INTS2: variants seen among roughly 807,000 people sequenced by gnomAD.
The protein encoded by INTS2 is integrator complex subunit 2.
A neutral mutation model predicts 139.6 loss-of-function variants in INTS2; 57 were observed. The observed-to-expected ratio is 0.41, with a 90% CI of 0.33 to 0.51. INTS2 has a LOEUF of 0.51. Among genes scored for constraint, INTS2 ranks in the 20% least tolerant of loss-of-function variants. INTS2 has a pLI of 0.28. For synonymous variants in INTS2, 473 were observed against 493.4 expected, an observed-to-expected ratio of 0.96 and a Z score of 0.55; for missense variants, 1,196 against 1,436.7, an observed-to-expected ratio of 0.83 and a Z score of 2.71.
intron 3 of INTS2, among the ~76,000 whole-genome samples, chr17:61,923,353 T>C (rs1218432525): frequency 6.6e-6 from 1 of 151,296 alleles, no homozygotes; most frequent in Non-Finnish European, 1.5e-5. Flanking sequence ...GGCGGGCACC[T>C]GTAGTCCCAG....
intron 18 of INTS2, among the ~76,000 whole-genome samples, chr17:61,877,195 T>C (rs902449506): frequency 5.9e-5 from 9 of 152,088 alleles, no homozygotes; most frequent in Non-Finnish European, 8.8e-5. Context: ...TTACAGTCAT[T>C]ATAAGAGATA....
At chr17:61,915,337 C>CAAA (rs1200669667) in intron 5 of INTS2, among the ~76,000 whole-genome samples, 2 of 123,878 alleles carry the variant, frequency 1.6e-5, no homozygotes, top group African/African-American at 4.0e-5. Flanking sequence ...GACTCCGTCT[C>CAAA]AAAAAAATAA....
chr17:61,901,631 G>C (rs571313318), intron 9 of INTS2, among the ~76,000 whole-genome samples: 1 of 112,356 alleles, frequency 8.9e-6, no homozygotes, highest in Non-Finnish European at 1.7e-5. Context: ...ATGCAGTCCC[G>C]CTCTGTAGCC....
chr17:61,880,444 C>T (rs761707355), intron 17 of INTS2, among the ~76,000 whole-genome samples: 14 of 152,074 alleles, frequency 9.2e-5, no homozygotes, highest in Non-Finnish European at 1.3e-4. Flanking sequence ...GATACAAGCA[C>T]ATCAGAAAGA....
chr17:61,923,354 G>A (rs984052909), intron 3 of INTS2, among the ~76,000 whole-genome samples: 4 of 151,290 alleles, frequency 2.6e-5, no homozygotes, highest in African/African-American at 7.3e-5. Flanking sequence ...GCGGGCACCT[G>A]TAGTCCCAGC....
chr17:61,897,227 G>A lies in INTS2; in HGVS notation c.1494+242C>T, dbSNP rs2079358647. Among the ~76,000 whole-genome samples the A allele has an allele frequency of 6.6e-6, 1 of 152,046 alleles. No homozygotes were observed. The highest frequency in any genetic ancestry group is 2.4e-5 in the African/African-American group (1 of 41,398). On this transcript the variant is annotated intron_variant, in intron 11 of 24. Coordinates refer to ENST00000251334, the MANE Select transcript of INTS2 (RefSeq NM_001351695.2). This position sits in a 1 kb window ranked among gnomAD's most constrained non-coding sequence, Gnocchi z 4.4. ...CAGAATATTAATAGTAGTATACTAG[G>A]TATCTCTGAATCATGGAATTATAAG...
intron 6 of INTS2, 99 bp downstream of exon 6, chr17:61,911,841 A>G: frequency 6.9e-7 from 1 of 1,446,466 alleles, no homozygotes; most frequent in Non-Finnish European, 9.4e-7. Context: ...CAGTATATAA[A>G]TAAAATTCCC....
intron 15 of INTS2, among the ~76,000 whole-genome samples, chr17:61,889,113 A>C (rs2079262802): frequency 6.7e-6 from 1 of 149,664 alleles, no homozygotes; most frequent in Non-Finnish European, 1.5e-5. Context: ...TTTGAGACAC[A>C]GTCTCACTCT....
At chr17:61,889,036 A>AAAACAAG in intron 15 of INTS2, among the ~76,000 whole-genome samples, 1 of 151,930 alleles carries the variant, frequency 6.6e-6, no homozygotes, top group African/African-American at 2.4e-5. Context: ...CAAAAAACAA[A>AAAACAAG]AAACAAAAAA....
chr17:61,901,401 T>C (rs1384798928), intron 9 of INTS2, among the ~76,000 whole-genome samples: 1 of 151,078 alleles, frequency 6.6e-6, no homozygotes, highest in Non-Finnish European at 1.5e-5. Flanking sequence ...GCAATACAAA[T>C]AATAAAATCT....
In INTS2 at chr17:61,904,540, G is replaced by A; in HGVS notation, c.1227C>T (p.Ser409=). 6.2e-7 allele frequency: 1 copy of A among 1,611,602 alleles called. No homozygotes were observed. Reference sequence around the variant, plus strand: ...CCCCAGCTGGCGTAGCAGGAGGACGGCTCGTCATCAACTGCAGTAATTGCT... The same window carrying A: ...CCCCAGCTGGCGTAGCAGGAGGACGACTCGTCATCAACTGCAGTAATTGCT... ...EAEQLLQLMT[S]RPPATPAGVR... is the part of the protein sequence containing the mutation. The change falls in exon 9 of 25, where the codon AGC becomes AGT. Residue 409 remains serine (S), a synonymous_variant. Transcript: ENST00000251334.
Position 61,925,018 on chromosome 17 carries a change from A to C in INTS2, c.375T>G (p.Ser125Arg). Reference protein sequence around the residue: ...QHGLTLEFEHSDSPRRLRLVL... With the variant: ...QHGLTLEFEHRDSPRRLRLVL... ...CAAGACGCAATCGACGAGGTGAATC[A>C]CTGTGTTCAAACTCTAACGTCAGTC... Residue 125 changes from serine (S) to arginine (R), a missense_variant, in exon 3 of 25, where the codon AGT becomes AGG. Physicochemically the swap from Ser to Arg is moderately radical, Grantham distance 110 (BLOSUM62 -1). Coordinates refer to ENST00000251334, the MANE Select transcript of INTS2 (RefSeq NM_001351695.2). 6.2e-7 allele frequency: 1 copy of C among 1,613,746 alleles called. No individual in the cohort carries two copies. The highest frequency in any genetic ancestry group is 8.5e-7 in the Non-Finnish European group (1 of 1,179,794).
chr17:61,892,372 G>T (rs532001224), intron 13 of INTS2, among the ~76,000 whole-genome samples: 31 of 152,162 alleles, frequency 2.0e-4, no homozygotes, highest in Non-Finnish European at 4.1e-4. Flanking sequence ...TCTCTTTAGA[G>T]GGCCTTTTAA....
At position 61,870,756 on chromosome 17, in the gene INTS2, A is replaced by C. The variant is rs1267613338; in HGVS notation, c.2779-768T>G. Among the ~76,000 whole-genome samples, 5 of 152,228 alleles carry C rather than the reference A, an allele frequency of 3.3e-5. No individual in the cohort carries two copies. Among genetic ancestry groups the C allele is most frequent in the Non-Finnish European group, 7.3e-5 (5 of 68,036 alleles). ...ATAAAGTGAGGTTAGACTACTTTAT[A>C]ATCATGGTTCTTGGGGAAAGGAGTT... On this transcript the variant is annotated intron_variant, in intron 20 of 24. Transcript: ENST00000251334. The surrounding 1 kb of genome is among the most constrained non-coding windows in gnomAD (Gnocchi z 4.4).
intron 9 of INTS2, 32 bp downstream of exon 9, chr17:61,904,428 G>A: frequency 2.7e-6 from 4 of 1,482,360 alleles, no homozygotes; most frequent in Non-Finnish European, 3.7e-6. Context: ...AGTAAACCTT[G>A]AGAAAATGGA....
At position 61,869,293 on chromosome 17, in the gene INTS2, G is replaced by A; in HGVS notation, c.3118C>T (p.Gln1040Ter). The A allele has an allele frequency of 6.2e-7, 1 of 1,604,852 alleles. No individual in the cohort carries two copies. Among genetic ancestry groups the A allele is most frequent in the Non-Finnish European group, 8.5e-7 (1 of 1,174,880 alleles). ...CLDFIPELIA[Q>*]PELEKQIFAI... ...ATTACCTGTTTCTCAAGTTCTGGCT[G>A]TGCAATAAGCTCAGGTATGAAATCT... The change falls in exon 22 of 25, where the codon CAG becomes TAG. Residue 1040 changes from glutamine to a stop codon, truncating the protein, a stop_gained. Coordinates refer to ENST00000251334, the MANE Select transcript of INTS2 (RefSeq NM_001351695.2). LOFTEE classifies it high-confidence loss of function. The surrounding 1 kb of genome is among the most constrained non-coding windows in gnomAD (Gnocchi z 5.4).
intron 9 of INTS2, among the ~76,000 whole-genome samples, chr17:61,901,942 G>C (rs2079411358): frequency 6.6e-6 from 1 of 152,034 alleles, no homozygotes; most frequent in African/African-American, 2.4e-5. Context: ...AATTCTTTTT[G>C]AGACTGGGTA....
intron 16 of INTS2, among the ~76,000 whole-genome samples, chr17:61,883,310 C>T (rs1364938702): frequency 5.6e-5 from 8 of 143,992 alleles, no homozygotes; most frequent in South Asian, 2.2e-4. Flanking sequence ...GTCAGGAGTT[C>T]GAGACTAGCC....
At position 61,871,596 on chromosome 17, in the gene INTS2, T is replaced by C. The variant is rs1235587954; in HGVS notation, c.2778+669A>G. ...GTCTTCTTCACCACTCTATCCCCAG[T>C]TCCTGGAACAATACTTGGCACACAG... On this transcript the variant is annotated intron_variant, in intron 20 of 24. Coordinates refer to ENST00000251334, the MANE Select transcript of INTS2 (RefSeq NM_001351695.2). The surrounding 1 kb of genome is among the most constrained non-coding windows in gnomAD (Gnocchi z 4.9). 2.0e-5 allele frequency among the ~76,000 whole-genome samples: 3 copies of C among 152,158 alleles called. No homozygotes were observed. Among genetic ancestry groups the C allele is most frequent in the African/African-American group, 7.2e-5 (3 of 41,446 alleles).
Sources: allele counts gnomAD v4.1 joint callset (sites outside exome capture counted in the v4.1 genomes callset), GRCh38; gene constraint gnomAD v4.1.1; non-coding constraint Gnocchi (gnomAD v3.1); transcripts MANE v1.5; gene names NCBI Gene and HGNC (gene_info 2026-07-23, HGNC 2026-07-21).